The following AGBL4 variants were observed in gnomAD, a reference collection of about 807,000 sequenced individuals.
The protein encoded by AGBL4 is AGBL carboxypeptidase 4, also known as cytosolic carboxypeptidase 6.
Under a neutral mutation model 66.4 loss-of-function variants are expected in AGBL4, and 58 were observed. The observed-to-expected ratio is 0.87, with a 90% CI of 0.71 to 1.09. AGBL4 has a LOEUF of 1.09. Among genes scored for constraint, AGBL4 ranks in the 50% least tolerant of loss-of-function variants. The pLI is 0.00. For missense variants in AGBL4, 579 were observed against 631.0 expected (o/e 0.92, Z 0.88); for synonymous variants, 234 against 222.9 (o/e 1.05, Z -0.44).
chr1:49,828,298 TA>T (rs943360021), intron 2 of AGBL4, among the ~76,000 whole-genome samples: 10 of 151,952 alleles, frequency 6.6e-5, no homozygotes, highest in African/African-American at 1.5e-4. Context: ...GATAAACAAA[TA>T]AAAAAGCAAG....
At chr1:49,826,990 T>C (rs928405813) in intron 2 of AGBL4, among the ~76,000 whole-genome samples, 22 of 152,158 alleles carry the variant, frequency 1.4e-4, no homozygotes, top group Admixed American at 7.2e-4. Context: ...AAAAAGAACA[T>C]ACCAAACAAA....
chr1:49,107,140 T>A (rs894989672), intron 4 of AGBL4, among the ~76,000 whole-genome samples: 6 of 152,186 alleles, frequency 3.9e-5, no homozygotes, highest in African/African-American at 1.2e-4. Context: ...CAATTTATGA[T>A]GAATCGAACT....
intron 3 of AGBL4, among the ~76,000 whole-genome samples, chr1:49,515,075 G>A (rs1356355246): frequency 1.3e-5 from 2 of 152,096 alleles, no homozygotes; most frequent in Admixed American, 6.5e-5. Context: ...CACAGCAAAA[G>A]AAATTACCAT....
At chr1:49,485,573 A>G (rs1386522136) in intron 3 of AGBL4, among the ~76,000 whole-genome samples, 1 of 151,568 alleles carries the variant, frequency 6.6e-6, no homozygotes, top group Non-Finnish European at 1.5e-5. Context: ...TAACCTGCAC[A>G]TTGTGCACAT....
In AGBL4 at chr1:49,036,326, G is replaced by A. The variant is rs188479745; in HGVS notation, c.594+9258C>T. 1.4e-4 allele frequency among the ~76,000 whole-genome samples: 22 copies of A among 152,182 alleles called. No individual in the cohort carries two copies. The East Asian group carries it at 3.9e-3, about 27-fold the overall frequency. On this transcript the variant is annotated intron_variant, in intron 5 of 13. Transcript: ENST00000371839. Reference sequence around the variant, plus strand: ...ACATCCAGAGCAAGATAAGGCAATAGTCCTATTCTGCTGTACATGCTTAGA... The same window carrying A: ...ACATCCAGAGCAAGATAAGGCAATAATCCTATTCTGCTGTACATGCTTAGA...
chr1:49,506,322 A>G (rs1648681701), intron 3 of AGBL4, among the ~76,000 whole-genome samples: 1 of 152,032 alleles, frequency 6.6e-6, no homozygotes, highest in South Asian at 2.1e-4. Flanking sequence ...ATAATAGCAA[A>G]TTAACTTTTG....
chr1:48,746,334 G>C (rs1394619639), intron 6 of AGBL4, among the ~76,000 whole-genome samples: 1 of 152,150 alleles, frequency 6.6e-6, no homozygotes, highest in Non-Finnish European at 1.5e-5. Context: ...CTGTGAAACA[G>C]AGGCCCTGCT....
At chr1:49,406,641 A>C (rs1645205858) in intron 3 of AGBL4, among the ~76,000 whole-genome samples, 1 of 152,220 alleles carries the variant, frequency 6.6e-6, no homozygotes, top group African/African-American at 2.4e-5. Context: ...CAACTATACA[A>C]ATGTGGTTTT....
intron 6 of AGBL4, among the ~76,000 whole-genome samples, chr1:48,749,768 GTTC>G (rs1309345193): frequency 6.6e-6 from 1 of 152,200 alleles, no homozygotes; most frequent in East Asian, 1.9e-4. Flanking sequence ...TTCATCTGTG[GTTC>G]TTCTACTTCT....
intron 3 of AGBL4, among the ~76,000 whole-genome samples, chr1:49,356,791 G>C (rs995354828): frequency 2.0e-5 from 3 of 152,162 alleles, no homozygotes; most frequent in African/African-American, 4.8e-5. Flanking sequence ...TTCCTGTGGA[G>C]AGTCATTTCC....
Position 48,653,419 on chromosome 1 carries a change from T to C in AGBL4, c.757A>G (p.Ile253Val). ...IIDFLVSQHP[I>V]ACVLREYLVF... ...AGGTATTCCCGGAGGACACAGGCAA[T>C]AGGGTGCTGGCTTACAAGGAAGTCA... Residue 253 changes from isoleucine to valine, a missense_variant, in exon 8 of 14, where the codon ATT (isoleucine) becomes GTT (valine). Ile to Val is a conservative substitution (Grantham distance 29). Coordinates refer to ENST00000371839, the MANE Select transcript of AGBL4 (RefSeq NM_032785.4). 1.3e-6 allele frequency: 2 copies of C among 1,585,822 alleles called. No homozygotes were observed. Among genetic ancestry groups the C allele is most frequent in the Admixed American group, 1.8e-5 (1 of 56,132 alleles).
At chr1:48,943,789 G>C (rs949342378) in intron 5 of AGBL4, among the ~76,000 whole-genome samples, 2 of 151,296 alleles carry the variant, frequency 1.3e-5, no homozygotes, top group South Asian at 2.1e-4. Flanking sequence ...GTTGTGGCTG[G>C]TGGTGGTGGT....
At chr1:49,411,521 A>C (rs562681586) in intron 3 of AGBL4, among the ~76,000 whole-genome samples, 23 of 152,300 alleles carry the variant, frequency 1.5e-4, no homozygotes, top group Admixed American at 1.3e-3. Flanking sequence ...TTAATATTAA[A>C]CATCACAGAA....
At chr1:48,579,151 C>T (rs918290763) in intron 11 of AGBL4, among the ~76,000 whole-genome samples, 3 of 152,182 alleles carry the variant, frequency 2.0e-5, no homozygotes, top group Admixed American at 6.5e-5. Context: ...AAATATCCCC[C>T]TCTCCAACCC....
At chr1:49,977,915 T>A (rs918116420) in intron 1 of AGBL4, among the ~76,000 whole-genome samples, 4 of 152,214 alleles carry the variant, frequency 2.6e-5, no homozygotes, top group African/African-American at 9.6e-5. Context: ...CACTATCATC[T>A]AAGAGTAAAT....
At chr1:49,089,476 T>G (rs1028773463) in intron 4 of AGBL4, among the ~76,000 whole-genome samples, 1 of 152,136 alleles carries the variant, frequency 6.6e-6, no homozygotes. Context: ...AACTCCTCTG[T>G]GCACACAAGC....
intron 5 of AGBL4, among the ~76,000 whole-genome samples, chr1:48,904,396 C>T (rs1652388117): frequency 6.6e-6 from 1 of 152,192 alleles, no homozygotes; most frequent in African/African-American, 2.4e-5. Context: ...GCTGTCATTG[C>T]TCAAAGTCTA....
intron 5 of AGBL4, among the ~76,000 whole-genome samples, chr1:48,899,413 A>G (rs1651867745): frequency 8.8e-6 from 1 of 113,370 alleles, no homozygotes; most frequent in Non-Finnish European, 1.8e-5. Flanking sequence ...TCAAACAATA[A>G]GTTAATAGTT....
chr1:49,056,589 G>A (rs1432934972), intron 4 of AGBL4, among the ~76,000 whole-genome samples: 1 of 152,144 alleles, frequency 6.6e-6, no homozygotes, highest in Non-Finnish European at 1.5e-5. Context: ...ATAGGAATAA[G>A]TGATGAGGAG....
Sources: allele counts gnomAD v4.1 joint callset (sites outside exome capture counted in the v4.1 genomes callset), GRCh38; gene constraint gnomAD v4.1.1; transcripts MANE v1.5; gene names NCBI Gene and HGNC (gene_info 2026-07-23, HGNC 2026-07-21).